Variants in EIF2B3 observed in about 807,000 individuals in gnomAD.
EIF2B3 encodes the protein translation initiation factor eIF2B subunit gamma.
A neutral mutation model predicts 54.1 loss-of-function variants in EIF2B3; 20 were observed. The observed-to-expected ratio is 0.37, with a 90% confidence interval of 0.26 to 0.54. EIF2B3 has a LOEUF of 0.54. Ranked by LOEUF, EIF2B3 falls within the 20% of genes least tolerant of loss-of-function variation. The pLI is 0.86. For missense variants in EIF2B3, 448 were observed against 547.8 expected, an observed-to-expected ratio of 0.82 and a Z score of 1.82; for synonymous variants, 153 against 188.1, an observed-to-expected ratio of 0.81 and a Z score of 1.52.
chr1:44,942,415 ATATTTTTTTT>A (rs1644043387), intron 3 of EIF2B3, among the ~76,000 whole-genome samples: 1 of 6,970 alleles, frequency 1.4e-4, no homozygotes, highest in East Asian at 6.8e-3. Flanking sequence ...ATATATATAT[ATATTTTTTTT>A]TTTTTTTTTT....
At chr1:44,903,647 G>A (rs115103421) in intron 5 of EIF2B3, among the ~76,000 whole-genome samples, 58 of 152,356 alleles carry the variant, frequency 3.8e-4, no homozygotes, top group African/African-American at 1.3e-3. Context: ...TAGACACCCT[G>A]TGTGAACACA....
intron 10 of EIF2B3, among the ~76,000 whole-genome samples, chr1:44,870,794 A>G (rs964160122): frequency 4.6e-5 from 7 of 151,984 alleles, no homozygotes; most frequent in Non-Finnish European, 7.4e-5. Flanking sequence ...CTGGTATTAC[A>G]GGTGTGTGCC....
chr1:44,880,956 G>A (rs901218860), intron 7 of EIF2B3, among the ~76,000 whole-genome samples: 1 of 150,502 alleles, frequency 6.6e-6, no homozygotes, highest in Non-Finnish European at 1.5e-5. Context: ...GGGAGACTCC[G>A]TCTCAAAAAA....
At chr1:44,906,452 G>C (rs182879282) in intron 5 of EIF2B3, among the ~76,000 whole-genome samples, 138 of 152,350 alleles carry the variant, frequency 9.1e-4, no homozygotes, top group African/African-American at 3.2e-3. Flanking sequence ...CCAGGCTGGA[G>C]TGCAGTGGCA....
intron 6 of EIF2B3, among the ~76,000 whole-genome samples, chr1:44,891,980 C>T (rs1277105573): frequency 6.6e-6 from 1 of 152,146 alleles, no homozygotes; most frequent in Non-Finnish European, 1.5e-5. Flanking sequence ...TTCAGCCCAT[C>T]CTCCCACTTT....
chr1:44,983,718 ATTTT>A (rs1005201629), intron 1 of EIF2B3, among the ~76,000 whole-genome samples: 4 of 149,194 alleles, frequency 2.7e-5, no homozygotes, highest in African/African-American at 9.8e-5. Context: ...CTAAAAAAAA[ATTTT>A]TTTTTTTGAA....
At chr1:44,852,010 G>A (rs898363611) in intron 11 of EIF2B3, among the ~76,000 whole-genome samples, 2 of 150,648 alleles carry the variant, frequency 1.3e-5, no homozygotes, top group Non-Finnish European at 3.0e-5. Flanking sequence ...GTGCAGTGGC[G>A]CAATCTTGGC....
At chr1:44,892,625 T>C (rs1178503658) in intron 6 of EIF2B3, among the ~76,000 whole-genome samples, 2 of 152,046 alleles carry the variant, frequency 1.3e-5, no homozygotes, top group East Asian at 3.9e-4. Flanking sequence ...GGAAATGTAA[T>C]GAATTCTAAA....
intron 4 of EIF2B3, among the ~76,000 whole-genome samples, chr1:44,928,377 G>A (rs994626979): frequency 2.6e-5 from 4 of 152,150 alleles, no homozygotes; most frequent in African/African-American, 9.7e-5. Context: ...TACCTGGGAG[G>A]CAGAGGCTGC....
chr1:44,872,862 C>T (rs571847630), intron 10 of EIF2B3, among the ~76,000 whole-genome samples: 37 of 152,228 alleles, frequency 2.4e-4, no homozygotes, highest in South Asian at 1.0e-3. Flanking sequence ...AGACTTATGT[C>T]GTTTTGTTTC....
At chr1:44,981,357 T>C (rs1428890242) in intron 1 of EIF2B3, among the ~76,000 whole-genome samples, 180 bp from the exon 2 acceptor site, 1 of 152,136 alleles carries the variant, frequency 6.6e-6, no homozygotes, top group Non-Finnish European at 1.5e-5. Flanking sequence ...TGTCTACCAA[T>C]ATGTATTCTC....
In EIF2B3 at chr1:44,874,681, T is replaced by G; in HGVS notation, c.1199A>C (p.Glu400Ala). The change falls in exon 10 of 12, where the codon GAA becomes GCA. Residue 400 changes from glutamate (E) to alanine (A), a missense_variant. By Grantham distance (107) the Glu-to-Ala change is moderately radical (BLOSUM62 -1). Coordinates refer to ENST00000360403, the MANE Select transcript of EIF2B3 (RefSeq NM_020365.5). ...GTGGGTACAGGGGGAAACATACCCT[T>G]CCTCCACAGTGACTGAGTTCATGAG... ...CLLMNSVTVE[E>A]GSNIQGSVIC... 1 of 1,614,148 alleles carries G rather than the reference T, an allele frequency of 6.2e-7. No individual in the cohort carries two copies. Among genetic ancestry groups the G allele is most frequent in the Non-Finnish European group, 8.5e-7 (1 of 1,180,004 alleles).
At chr1:44,878,872 C>T (rs973554933) in intron 8 of EIF2B3, among the ~76,000 whole-genome samples, 1 of 151,946 alleles carries the variant, frequency 6.6e-6, no homozygotes, top group African/African-American at 2.4e-5. Flanking sequence ...GATCCTCCCA[C>T]CTCAGCCTTC....
chr1:44,930,629 T>G (rs1291709144), intron 4 of EIF2B3, among the ~76,000 whole-genome samples: 1 of 152,082 alleles, frequency 6.6e-6, no homozygotes, highest in South Asian at 2.1e-4. Context: ...AGGCTGAGGC[T>G]CTCCCTATAT....
At chr1:44,984,502 C>T (rs551028358) in intron 1 of EIF2B3, among the ~76,000 whole-genome samples, 18 of 152,066 alleles carry the variant, frequency 1.2e-4, no homozygotes, top group Non-Finnish European at 2.5e-4. Context: ...GAGTTTGAGT[C>T]ATGATTCTGA....
chr1:44,947,683 T>A (rs549172661), intron 3 of EIF2B3, among the ~76,000 whole-genome samples: 1 of 152,158 alleles, frequency 6.6e-6, no homozygotes, highest in Non-Finnish European at 1.5e-5. Context: ...GTAACTACCA[T>A]GCTTCTCTAC....
chr1:44,957,057 G>C (rs976785917), intron 3 of EIF2B3, among the ~76,000 whole-genome samples: 10 of 152,162 alleles, frequency 6.6e-5, no homozygotes, highest in African/African-American at 9.7e-5. Context: ...GAACTCATGA[G>C]TTCGAGACTA....
chr1:44,892,800 G>A (rs1424892569), intron 6 of EIF2B3, among the ~76,000 whole-genome samples: 1 of 152,174 alleles, frequency 6.6e-6, no homozygotes, highest in Non-Finnish European at 1.5e-5. Context: ...TTGAGAAGGT[G>A]TGTAAGTCAC....
intron 4 of EIF2B3, among the ~76,000 whole-genome samples, chr1:44,936,276 A>C (rs1410334545): frequency 2.6e-5 from 4 of 151,982 alleles, no homozygotes; most frequent in Admixed American, 6.6e-5. Flanking sequence ...GGCTGTTTGA[A>C]TCACTAGAAA....
Sources: gnomAD v4.1 joint callset for allele counts (sites outside exome capture counted in the v4.1 genomes callset) on GRCh38, gnomAD v4.1.1 for gene constraint, MANE v1.5 for transcripts, NCBI Gene and HGNC (gene_info 2026-07-23, HGNC 2026-07-21) for gene names.